Variants in FAM163B observed in about 807,000 individuals in gnomAD.
The protein encoded by FAM163B is family with sequence similarity 163 member B.
A neutral mutation model predicts 7.6 loss-of-function variants in FAM163B; 4 were observed. That is an observed-to-expected ratio of 0.52 (90% CI 0.26 to 1.20). The LOEUF (loss-of-function observed/expected upper bound fraction) is 1.20, where lower values mean the gene tolerates loss of function less well. FAM163B is among the 50% of genes most tolerant of loss of function. The pLI, the probability that FAM163B is intolerant of heterozygous loss-of-function variation, is 0.14. For synonymous variants in FAM163B, 120 were observed against 111.6 expected (o/e 1.07, Z -0.47); for missense variants, 250 against 243.0 (o/e 1.03, Z -0.19).
rs1831274955 is a variant in FAM163B at position 133,577,740 on chromosome 9, G to A, written c.*1282C>T. Among the ~76,000 whole-genome samples the A allele has an allele frequency of 6.6e-6, 1 of 152,224 alleles. No individual in the cohort carries two copies. The highest frequency in any genetic ancestry group is 2.1e-4 in the South Asian group (1 of 4,836). ...TGAGAGGAAATAATTGCCTCTTTCT[G>A]GGTGAGGAAGAGCTGCCTTCCTGAT... On this transcript the variant is annotated 3_prime_UTR_variant, in exon 3 of 3. Coordinates refer to ENST00000673969, the MANE Select transcript of FAM163B (RefSeq NM_001080515.3).
Position 133,609,373 on chromosome 9 carries a change from A to G in FAM163B, c.-320T>C, listed in dbSNP as rs1197963692. On this transcript the variant is annotated 5_prime_UTR_variant, in exon 1 of 3. Transcript: ENST00000673969. Reference sequence around the variant, plus strand: ...CACGCGCGGCTCCAGCCTGGTCCCGAGCGCAGGGCGCGCGCTGGCGGGGAG... The same window carrying G: ...CACGCGCGGCTCCAGCCTGGTCCCGGGCGCAGGGCGCGCGCTGGCGGGGAG... Among the ~76,000 whole-genome samples the G allele has an allele frequency of 6.7e-6, 1 of 149,470 alleles. No individual in the cohort carries two copies. Among genetic ancestry groups the G allele is most frequent in the Non-Finnish European group, 1.5e-5 (1 of 67,108 alleles).
chr9:133,579,215 A>C lies in FAM163B; in HGVS notation c.308T>G (p.Phe103Cys), dbSNP rs1381831590. ...TTCCTCCTCCGGCGGCTCCTGCAGGAAGAAGGTGGGGGGCTCGCAGTGGGA... is the reference window on the plus strand; with the variant it reads ...TTCCTCCTCCGGCGGCTCCTGCAGGCAGAAGGTGGGGGGCTCGCAGTGGGA... ...SCSHCEPPTF[F>C]LQEPPEEEED... The change falls in exon 3 of 3, where the codon TTC (phenylalanine) becomes TGC (cysteine). Residue 103 changes from phenylalanine to cysteine, a missense_variant. Phe to Cys is a radical substitution (Grantham distance 205, BLOSUM62 -2). Transcript: ENST00000673969. 1 of 1,611,934 alleles carries C rather than the reference A, an allele frequency of 6.2e-7. No individual in the cohort carries two copies. The highest frequency in any genetic ancestry group is 8.5e-7 in the Non-Finnish European group (1 of 1,179,764).
chr9:133,587,225 C>T lies in FAM163B; in HGVS notation c.-23-6979G>A, dbSNP rs375095303. Among the ~76,000 whole-genome samples, 684 of 152,300 alleles carry T rather than the reference C, an allele frequency of 4.5e-3. 5 individuals are homozygous for T. The highest frequency in any genetic ancestry group is 0.015 in the African/African-American group (643 of 41,570). Reference sequence around the variant, plus strand: ...AGTTTCAGCTGACCGGCGACCAGGGCGACCCAGGGCTGGAGCCCTGCCTGG... The same window carrying T: ...AGTTTCAGCTGACCGGCGACCAGGGTGACCCAGGGCTGGAGCCCTGCCTGG... On this transcript the variant is annotated intron_variant, in intron 1 of 2. Coordinates refer to ENST00000673969, the MANE Select transcript of FAM163B (RefSeq NM_001080515.3).
chr9:133,592,731 G>A lies in FAM163B; in HGVS notation c.-23-12485C>T, dbSNP rs532128641. Among the ~76,000 whole-genome samples the A allele has an allele frequency of 2.0e-5, 3 of 152,300 alleles. No individual in the cohort carries two copies. In the South Asian group the frequency reaches 6.2e-4, roughly 32 times the overall value. ...ACTTAAAGCACCATCAGCATCAACT[G>A]GGAGCTTGTTAAAATGCAGAGTTCC... On this transcript the variant is annotated intron_variant, in intron 1 of 2. Transcript: ENST00000673969.
chr9:133,605,956 G>T (rs1247653652), intron 1 of FAM163B, among the ~76,000 whole-genome samples: 1 of 152,174 alleles, frequency 6.6e-6, no homozygotes, highest in African/African-American at 2.4e-5. Flanking sequence ...GGTGCAGCCA[G>T]AGAGGGTCCC....
Position 133,579,081 on chromosome 9 carries a change from G to C in FAM163B, c.442C>G (p.Arg148Gly). Reference protein sequence around the residue: ...FGGLQALNPNRLSAMREAFAR... With the variant: ...FGGLQALNPNGLSAMREAFAR... Reference sequence around the variant, plus strand: ...AAGGCCTCCCGCATGGCTGAGAGGCGGTTGGGGTTGAGCGCCTGCAGGCCC... The same window carrying C: ...AAGGCCTCCCGCATGGCTGAGAGGCCGTTGGGGTTGAGCGCCTGCAGGCCC... The change falls in exon 3 of 3, where the codon CGC becomes GGC. Residue 148 changes from arginine to glycine, a missense_variant. Physicochemically the swap from Arg to Gly is moderately radical, Grantham distance 125 (BLOSUM62 -2). Coordinates refer to ENST00000673969, the MANE Select transcript of FAM163B (RefSeq NM_001080515.3). 2 of 1,590,704 alleles carry C rather than the reference G, an allele frequency of 1.3e-6. No individual in the cohort carries two copies. The highest frequency in any genetic ancestry group is 1.7e-6 in the Non-Finnish European group (2 of 1,169,726).
At chr9:133,584,131 C>CACAGAACT (rs1831397800) in intron 1 of FAM163B, among the ~76,000 whole-genome samples, 1 of 152,114 alleles carries the variant, frequency 6.6e-6, no homozygotes. Context: ...TAATACACAC[C>CACAGAACT]ACAGAACTTC....
intron 1 of FAM163B, among the ~76,000 whole-genome samples, chr9:133,582,944 T>C (rs2131219673): frequency 6.6e-6 from 1 of 152,334 alleles, no homozygotes; most frequent in Admixed American, 6.5e-5. Flanking sequence ...AGATTGCTGT[T>C]GTGGTCCTGA....
chr9:133,590,985 C>T (rs370826922), intron 1 of FAM163B, among the ~76,000 whole-genome samples: 2 of 152,212 alleles, frequency 1.3e-5, no homozygotes, highest in Admixed American at 1.3e-4. Context: ...CTGCCCCCTG[C>T]GTTGGCAGAA....
intron 1 of FAM163B, among the ~76,000 whole-genome samples, chr9:133,605,587 C>A (rs574063037): frequency 5.1e-4 from 77 of 152,320 alleles, no homozygotes; most frequent in African/African-American, 1.8e-3. Flanking sequence ...ACGGACGGCT[C>A]CCCGAGGGCT....
chr9:133,582,748 C>G (rs872605), intron 1 of FAM163B, among the ~76,000 whole-genome samples: 34,027 of 152,218 alleles, frequency 0.22, 3,995 homozygotes, highest in Non-Finnish European at 0.24. Flanking sequence ...GCCGGCCTCT[C>G]TCCTGGGAAA....
intron 1 of FAM163B, among the ~76,000 whole-genome samples, chr9:133,597,765 G>A (rs142581024): frequency 8.5e-5 from 13 of 152,194 alleles, no homozygotes; most frequent in African/African-American, 2.9e-4. Flanking sequence ...ACAAGGGCTC[G>A]AAGGTAAGAA....
Position 133,580,191 on chromosome 9 carries a change from G to T in FAM163B, c.33C>A (p.Gly11=). The T allele has an allele frequency of 6.2e-7, 1 of 1,613,466 alleles. No individual in the cohort carries two copies. The highest frequency in any genetic ancestry group is 2.2e-5 in the East Asian group (1 of 44,886). The stretch of plus-strand genomic sequence containing the variant: ...AGAGCAAAATCACAGTCGCCAAGAT[G>T]CCCCCGGTGATGACCACGGTCCCGG... MTAGTVVITG[G]ILATVILLCI... is the part of the protein sequence containing the mutation. Residue 11 remains glycine, a synonymous_variant, in exon 2 of 3, where the codon GGC becomes GGA. Transcript: ENST00000673969.
At chr9:133,589,089 C>A (rs1171206057) in intron 1 of FAM163B, among the ~76,000 whole-genome samples, 4 of 152,150 alleles carry the variant, frequency 2.6e-5, no homozygotes, top group African/African-American at 7.2e-5. Flanking sequence ...TCAGCAATAC[C>A]CCCGGAAAAT....
chr9:133,600,284 T>A lies in FAM163B; in HGVS notation c.-24+8793A>T, dbSNP rs1035067003. 6.6e-6 allele frequency among the ~76,000 whole-genome samples: 1 copy of A among 151,496 alleles called. No individual in the cohort carries two copies. On this transcript the variant is annotated intron_variant, in intron 1 of 2. Transcript: ENST00000673969. The surrounding 1 kb of genome is among the most constrained non-coding windows in gnomAD (Gnocchi z 4.9). The stretch of plus-strand genomic sequence containing the variant: ...CTGTGTGTGTGTGTGTGTGTGTGTG[T>A]GTGTGTGTGTGTAGTGCTGAGAGTG...
intron 1 of FAM163B, among the ~76,000 whole-genome samples, chr9:133,587,056 C>G (rs900740464): frequency 6.6e-6 from 1 of 152,184 alleles, no homozygotes; most frequent in African/African-American, 2.4e-5. Flanking sequence ...AGGGAGTAAA[C>G]TGAGGCCAGA....
chr9:133,605,272 C>T (rs1471901672), intron 1 of FAM163B, among the ~76,000 whole-genome samples: 1 of 152,192 alleles, frequency 6.6e-6, no homozygotes, highest in East Asian at 1.9e-4. Context: ...AACCTGGGGC[C>T]CAGAGAGGCT....
At chr9:133,602,342 A>C (rs1831740798) in intron 1 of FAM163B, among the ~76,000 whole-genome samples, 1 of 152,202 alleles carries the variant, frequency 6.6e-6, no homozygotes, top group African/African-American at 2.4e-5. Flanking sequence ...CAGCTGGAAG[A>C]GTTCGAATCC....
At chr9:133,607,212 A>C (rs764823006) in intron 1 of FAM163B, among the ~76,000 whole-genome samples, 1 of 152,142 alleles carries the variant, frequency 6.6e-6, no homozygotes, top group Non-Finnish European at 1.5e-5. Context: ...TCCACCCCAC[A>C]ATTTTGTACA....
Sources: gnomAD v4.1 joint callset for allele counts (sites outside exome capture counted in the v4.1 genomes callset) on GRCh38, gnomAD v4.1.1 for gene constraint, Gnocchi (gnomAD v3.1) non-coding constraint, MANE v1.5 for transcripts, NCBI Gene and HGNC (gene_info 2026-07-23, HGNC 2026-07-21) for gene names.